The following ACSM1 variants were observed in gnomAD, a reference collection of about 807,000 sequenced individuals.
ACSM1 encodes the protein acyl-CoA synthetase medium chain family member 1, also known as acyl-coenzyme A synthetase ACSM1, mitochondrial.
In ACSM1, 79 loss-of-function variants were observed where a neutral mutation model predicts 75.8. The ratio of observed to expected loss-of-function variants is 1.04; its 90% confidence interval spans 0.87 to 1.26. The LOEUF (loss-of-function observed/expected upper bound fraction) is 1.26, where lower values mean the gene tolerates loss of function less well. Among genes scored for constraint, ACSM1 ranks in the 50% most tolerant of loss-of-function variants. The pLI is 0.00. For missense variants in ACSM1, 676 were observed against 720.1 expected, an observed-to-expected ratio of 0.94 and a Z score of 0.70; for synonymous variants, 279 against 265.8, an observed-to-expected ratio of 1.05 and a Z score of -0.48.
At chr16:20,674,975 C>A (rs1051481341) in intron 4 of ACSM1, among the ~76,000 whole-genome samples, 2 of 152,148 alleles carry the variant, frequency 1.3e-5, no homozygotes, top group African/African-American at 4.8e-5. Flanking sequence ...GTCCCCCTAA[C>A]AAAGTGAAAG....
chr16:20,670,087 C>T, intron 5 of ACSM1, 101 bp from the exon 6 acceptor site: 1 of 1,198,556 alleles, frequency 8.3e-7, no homozygotes, highest in Non-Finnish European at 1.2e-6. Context: ...TTCTCACTCT[C>T]AGTTCATGTG....
At position 20,623,262 on chromosome 16, in the gene ACSM1, C is replaced by T. The variant is rs1441445665; in HGVS notation, c.*224G>A. 9 of 513,132 alleles carry T rather than the reference C, an allele frequency of 1.8e-5. No homozygotes were observed. In the East Asian group the frequency reaches 2.1e-4, roughly 12 times the overall value. The allele number at this position is 513,132 out of a possible 1,614,324, so 31.8% of individuals were successfully genotyped here. ...GTTGATATCAGTATTTTATTACTTG[C>T]GTTATGAGTGCTCACCTGGGAAATT... On this transcript the variant is annotated 3_prime_UTR_variant, in exon 14 of 14. Transcript: ENST00000520010.
chr16:20,682,902 CT>C (rs957454942), intron 3 of ACSM1, among the ~76,000 whole-genome samples: 1 of 152,134 alleles, frequency 6.6e-6, no homozygotes, highest in East Asian at 1.9e-4. Context: ...AATGTCCCCT[CT>C]TTCCTTCATT....
chr16:20,652,772 AC>A (rs1420463491), intron 7 of ACSM1, among the ~76,000 whole-genome samples: 1 of 152,200 alleles, frequency 6.6e-6, no homozygotes, highest in Non-Finnish European at 1.5e-5. Flanking sequence ...TAGCCTACCA[AC>A]CAAAAAAGGC....
chr16:20,648,815 G>A lies in ACSM1; in HGVS notation c.993-8231C>T, dbSNP rs1167907463. Among the ~76,000 whole-genome samples, 2 of 152,140 alleles carry A rather than the reference G, an allele frequency of 1.3e-5. No individual in the cohort carries two copies. Among genetic ancestry groups the A allele is most frequent in the Admixed American group, 1.3e-4 (2 of 15,262 alleles). On this transcript the variant is annotated intron_variant, in intron 7 of 13. Transcript: ENST00000520010. The surrounding 1 kb of genome is among the most constrained non-coding windows in gnomAD (Gnocchi z 4.2). Reference sequence around the variant, plus strand: ...GACCAAACCAATATACACCTTACGTGTATTAATTGATGTCTTATGTTTCCC... The same window carrying A: ...GACCAAACCAATATACACCTTACGTATATTAATTGATGTCTTATGTTTCCC...
chr16:20,697,352 AC>A (rs2079695176), intron 1 of ACSM1, among the ~76,000 whole-genome samples: 1 of 152,152 alleles, frequency 6.6e-6, no homozygotes, highest in Non-Finnish European at 1.5e-5. Flanking sequence ...ACGGCTCACC[AC>A]ATTCAGAGCT....
chr16:20,648,260 A>C lies in ACSM1; in HGVS notation c.993-7676T>G, dbSNP rs1165997170. The stretch of plus-strand genomic sequence containing the variant: ...TCTCTGAAGGAGTCTTCATGTACCT[A>C]ACAAGGCCAGCTTTGCTAGCTAATA... On this transcript the variant is annotated intron_variant, in intron 7 of 13. Coordinates refer to ENST00000520010, the MANE Select transcript of ACSM1 (RefSeq NM_001318890.3). This position sits in a 1 kb window ranked among gnomAD's most constrained non-coding sequence, Gnocchi z 4.2. Among the ~76,000 whole-genome samples, 2 of 152,186 alleles carry C rather than the reference A, an allele frequency of 1.3e-5. No homozygotes were observed. The highest frequency in any genetic ancestry group is 6.5e-5 in the Admixed American group (1 of 15,278).
chr16:20,627,403 T>G (rs1596779280), intron 10 of ACSM1, 87 bp from the exon 11 acceptor site: 1 of 1,428,868 alleles, frequency 7.0e-7, no homozygotes, highest in East Asian at 2.7e-5. Context: ...GGGTTTGAAT[T>G]CTGCCTCTGT....
At chr16:20,674,450 C>G (rs898752625) in intron 4 of ACSM1, 8 of 157,448 alleles carry the variant, frequency 5.1e-5, no homozygotes, top group African/African-American at 1.7e-4. Context: ...TCTCCCTCCC[C>G]CCTCTCCACC....
rs1462515941 is a variant in ACSM1 at position 20,643,304 on chromosome 16, T to C, written c.993-2720A>G. Among the ~76,000 whole-genome samples the C allele has an allele frequency of 2.0e-5, 3 of 152,158 alleles. 1 individual carries two copies. The highest frequency in any genetic ancestry group is 7.2e-5 in the African/African-American group (3 of 41,444). ...AATTCTAAGGAAAAATAGGAAGGAA[T>C]AGCAAGTGAAATGGGTCCGATGGTG... On this transcript the variant is annotated intron_variant, in intron 7 of 13. Transcript: ENST00000520010.
chr16:20,643,499 G>C (rs2018185280), intron 7 of ACSM1, among the ~76,000 whole-genome samples: 1 of 152,204 alleles, frequency 6.6e-6, no homozygotes, highest in African/African-American at 2.4e-5. Flanking sequence ...GTTCCTCCCA[G>C]TGGGTTCATG....
At chr16:20,668,747 G>T (rs2019713488) in intron 6 of ACSM1, among the ~76,000 whole-genome samples, 1 of 152,152 alleles carries the variant, frequency 6.6e-6, no homozygotes, top group African/African-American at 2.4e-5. Flanking sequence ...GAGCAGGCTA[G>T]GTGAAGCAGA....
intron 2 of ACSM1, among the ~76,000 whole-genome samples, 188 bp from the exon 3 acceptor site, chr16:20,685,591 G>C (rs1364404424): frequency 1.3e-5 from 2 of 151,958 alleles, no homozygotes; most frequent in Non-Finnish European, 2.9e-5. Flanking sequence ...GGAGGTGGAG[G>C]CAGGTTGATC....
chr16:20,624,062 G>T, intron 13 of ACSM1, 34 bp downstream of exon 13: 1 of 1,607,176 alleles, frequency 6.2e-7, no homozygotes, highest in South Asian at 1.1e-5. Context: ...AACGCTTCAG[G>T]GCCACCAGAT....
At position 20,637,289 on chromosome 16, in the gene ACSM1, G is replaced by A. The variant is rs943606614; in HGVS notation, c.1197+82C>T. 4.1e-5 allele frequency: 44 copies of A among 1,062,724 alleles called. 1 individual carries two copies. Among genetic ancestry groups the A allele is most frequent in the Middle Eastern group, 2.0e-4 (1 of 4,966 alleles). The allele number at this position is 1,062,724 out of a possible 1,614,324, so 65.8% of individuals were successfully genotyped here. ...AAGGATGACTGGAGCAGGGAAGTGC[G>A]GCTGGTGTTGTCACCTGGTGTCAAA... On this transcript the variant is annotated intron_variant, in intron 9 of 13. Coordinates refer to ENST00000520010, the MANE Select transcript of ACSM1 (RefSeq NM_001318890.3).
chr16:20,624,304 G>A (rs2016786386), intron 12 of ACSM1, 89 bp from the exon 13 acceptor site: 2 of 1,444,380 alleles, frequency 1.4e-6, no homozygotes, highest in African/African-American at 2.8e-5. Context: ...GGTAAAACAA[G>A]GTGACACTGA....
In ACSM1 at chr16:20,624,193, A is replaced by G. The variant is rs1237850127; in HGVS notation, c.1550T>C (p.Leu517Pro). 1 of 1,611,610 alleles carries G rather than the reference A, an allele frequency of 6.2e-7. No individual in the cohort carries two copies. Among genetic ancestry groups the G allele is most frequent in the Non-Finnish European group, 8.5e-7 (1 of 1,178,486 alleles). The change falls in exon 13 of 14, where the codon CTG (leucine) becomes CCG (proline). Residue 517 changes from leucine to proline, a missense_variant. Leu to Pro is a moderately conservative substitution (Grantham distance 98). Coordinates refer to ENST00000520010, the MANE Select transcript of ACSM1 (RefSeq NM_001318890.3). ...RGEVVKAFIV[L>P]TPQFLSHDKD... ...GTCATGGGACAGGAACTGTGGGGTC[A>G]GGACAATAAAGGCCTTCACCACCTG...
chr16:20,625,654 G>C (rs2016880289), intron 11 of ACSM1, 132 bp from the exon 12 acceptor site: 10 of 728,030 alleles, frequency 1.4e-5, no homozygotes, highest in Non-Finnish European at 2.0e-5. Context: ...CCCCTGACTT[G>C]TCTGTGTCAT....
At chr16:20,645,691 C>A (rs1011584984) in intron 7 of ACSM1, among the ~76,000 whole-genome samples, 3 of 152,176 alleles carry the variant, frequency 2.0e-5, no homozygotes, top group Non-Finnish European at 4.4e-5. Flanking sequence ...GGAAAGAGAA[C>A]AATTCCCCAC....
Sources: gnomAD v4.1 joint callset for allele counts (sites outside exome capture counted in the v4.1 genomes callset) on GRCh38, gnomAD v4.1.1 for gene constraint, Gnocchi (gnomAD v3.1) non-coding constraint, MANE v1.5 for transcripts, NCBI Gene and HGNC (gene_info 2026-07-23, HGNC 2026-07-21) for gene names.